The following FBXW10B variants were observed in gnomAD, a reference collection of about 807,000 sequenced individuals.
FBXW10B encodes F-box and WD repeat domain containing 10B, also known as F-box and WD repeat domain containing protein 10B.
the FBXW10B span, chr17:15,565,767 G>A: frequency 5.0e-6 from 8 of 1,614,002 alleles, no homozygotes; most frequent in Non-Finnish European, 5.9e-6. Flanking sequence ...AAGGATCAAG[G>A]GCTGTATAGA....
At chr17:15,581,048 G>T in the FBXW10B span, among the ~76,000 whole-genome samples, 1 of 152,122 alleles carries the variant, frequency 6.6e-6, no homozygotes, top group Non-Finnish European at 1.5e-5. Context: ...TTTTTATTGA[G>T]CCTTTACCTA....
At chr17:15,589,174 T>G in the FBXW10B span, 1 of 1,613,228 alleles carries the variant, frequency 6.2e-7, no homozygotes, top group Non-Finnish European at 8.5e-7. Flanking sequence ...TTCGATTCCA[T>G]TCCATCCCAC....
At chr17:15,610,395 G>A in the FBXW10B span, among the ~76,000 whole-genome samples, 1 of 152,188 alleles carries the variant, frequency 6.6e-6, no homozygotes. Flanking sequence ...GGAGAGTTGT[G>A]TGTCTGTCCC....
At chr17:15,616,898 A>G in the FBXW10B span, among the ~76,000 whole-genome samples, 1 of 151,404 alleles carries the variant, frequency 6.6e-6, no homozygotes, top group Non-Finnish European at 1.5e-5. Context: ...GCCCATTCCT[A>G]TGGTGAATGG....
At chr17:15,613,869 G>A in the FBXW10B span, 30 of 1,606,700 alleles carry the variant, frequency 1.9e-5, no homozygotes, top group African/African-American at 1.5e-4. Context: ...GGCAGGTAAC[G>A]GATGAAGTCT....
the FBXW10B span, among the ~76,000 whole-genome samples, chr17:15,610,458 T>C: frequency 6.6e-6 from 1 of 152,120 alleles, no homozygotes; most frequent in Non-Finnish European, 1.5e-5. Context: ...TTAGCTTCAC[T>C]ATCTTAGTGC....
the FBXW10B span, among the ~76,000 whole-genome samples, chr17:15,584,971 T>C: frequency 8.4e-5 from 12 of 143,562 alleles, no homozygotes; most frequent in Non-Finnish European, 3.1e-5. Flanking sequence ...TCTTCTTCTT[T>C]TTTTTTTTTT....
At chr17:15,593,729 A>G in the FBXW10B span, among the ~76,000 whole-genome samples, 1 of 151,792 alleles carries the variant, frequency 6.6e-6, no homozygotes, top group Non-Finnish European at 1.5e-5. Context: ...ACCAGACACA[A>G]GTGATTCTCC....
chr17:15,576,180 T>C, the FBXW10B span, among the ~76,000 whole-genome samples: 6 of 152,184 alleles, frequency 3.9e-5, no homozygotes, highest in Non-Finnish European at 7.3e-5. Context: ...GTATCTTATA[T>C]ATATATTTTT....
chr17:15,593,575 T>C, the FBXW10B span: 2 of 1,576,442 alleles, frequency 1.3e-6, no homozygotes, highest in East Asian at 2.3e-5. Context: ...GAGCATTTTG[T>C]GTGTGATTGA....
the FBXW10B span, among the ~76,000 whole-genome samples, chr17:15,595,494 C>T: frequency 6.6e-6 from 1 of 152,166 alleles, no homozygotes; most frequent in African/African-American, 2.4e-5. Context: ...CAGACACTAC[C>T]TTCTTGGAGC....
chr17:15,607,343 G>T, the FBXW10B span, among the ~76,000 whole-genome samples: 6 of 145,640 alleles, frequency 4.1e-5, no homozygotes, highest in Admixed American at 4.2e-4. Context: ...GCAAAAAGTT[G>T]TTGGTCAGCA....
chr17:15,613,080 G>A, the FBXW10B span, among the ~76,000 whole-genome samples: 16 of 146,714 alleles, frequency 1.1e-4, no homozygotes, highest in African/African-American at 4.0e-4. Context: ...CATAGCTGCT[G>A]CTTCTCATCC....
chr17:15,576,034 A>G, the FBXW10B span, among the ~76,000 whole-genome samples: 1 of 152,150 alleles, frequency 6.6e-6, no homozygotes, highest in Non-Finnish European at 1.5e-5. Context: ...CGCTTCAGAG[A>G]TGTGTTTCCT....
chr17:15,589,676 G>C, the FBXW10B span, among the ~76,000 whole-genome samples: 1 of 152,092 alleles, frequency 6.6e-6, no homozygotes, highest in African/African-American at 2.4e-5. Context: ...ATCTGTAAGG[G>C]AAGTTTCACA....
the FBXW10B span, among the ~76,000 whole-genome samples, chr17:15,606,831 C>G: frequency 1.3e-4 from 20 of 152,122 alleles, no homozygotes; most frequent in East Asian, 2.3e-3. Flanking sequence ...TCTGTCTTCC[C>G]CATACTGACT....
the FBXW10B span, chr17:15,573,555 A>C: frequency 6.6e-6 from 1 of 152,532 alleles, no homozygotes; most frequent in Admixed American, 6.5e-5. Flanking sequence ...TTTAAAGGAT[A>C]ATTTTGAATG....
chr17:15,584,637 G>A, the FBXW10B span, among the ~76,000 whole-genome samples: 2 of 152,302 alleles, frequency 1.3e-5, no homozygotes, highest in African/African-American at 2.4e-5. Context: ...TGGGCTCCTC[G>A]TGCCAGAAGG....
the FBXW10B span, chr17:15,569,060 C>T: frequency 1.6e-5 from 16 of 1,031,482 alleles, no homozygotes; most frequent in Non-Finnish European, 1.9e-5. Context: ...TAAGACAAAA[C>T]ACATATCTTT....
Sources: gnomAD v4.1 joint callset for allele counts (sites outside exome capture counted in the v4.1 genomes callset) on GRCh38, gnomAD v4.1.1 for gene constraint, MANE v1.5 for transcripts, NCBI Gene and HGNC (gene_info 2026-07-23, HGNC 2026-07-21) for gene names.